The following RB1 variants were observed in gnomAD, a reference collection of about 807,000 sequenced individuals.
The protein encoded by RB1 is RB transcriptional corepressor 1.
In RB1, 18 loss-of-function variants were observed where a neutral mutation model predicts 135.4. The observed-to-expected ratio is 0.13, with a 90% confidence interval of 0.09 to 0.20. The LOEUF (loss-of-function observed/expected upper bound fraction) is 0.20. Ranked by LOEUF, RB1 falls within the 10% of genes least tolerant of loss-of-function variation. RB1 has a pLI of 1.00. For missense variants in RB1, 868 were observed against 1,110.0 expected (o/e 0.78, Z 3.10); for synonymous variants, 365 against 373.2 (o/e 0.98, Z 0.25).
chr13:48,430,387 A>G (rs944739487), intron 17 of RB1, among the ~76,000 whole-genome samples: 4 of 152,186 alleles, frequency 2.6e-5, no homozygotes, highest in Non-Finnish European at 4.4e-5. Flanking sequence ...TCAATAAAAA[A>G]TGACTCCATT....
chr13:48,401,755 T>C (rs1412587106), intron 17 of RB1, among the ~76,000 whole-genome samples: 2 of 152,332 alleles, frequency 1.3e-5, no homozygotes, highest in Admixed American at 6.5e-5. Flanking sequence ...AAACGTAGAA[T>C]AGGAAACAGC....
intron 17 of RB1, among the ~76,000 whole-genome samples, chr13:48,396,067 C>G (rs1310592401): frequency 6.6e-6 from 1 of 152,198 alleles, no homozygotes; most frequent in Non-Finnish European, 1.5e-5. Flanking sequence ...AATGGCCATA[C>G]TGCCCACAGT....
chr13:48,357,907 T>A (rs1952607031), intron 6 of RB1, among the ~76,000 whole-genome samples: 1 of 152,106 alleles, frequency 6.6e-6, no homozygotes, highest in South Asian at 2.1e-4. Flanking sequence ...GATGTATATG[T>A]TCCCTGCTCA....
At chr13:48,340,838 G>T (rs1233442542) in intron 2 of RB1, 1 of 155,002 alleles carries the variant, frequency 6.5e-6, no homozygotes, top group South Asian at 2.1e-4. Context: ...TTTTTAATTA[G>T]TCTTGAAAAC....
At chr13:48,435,327 T>C (rs1219758598) in intron 17 of RB1, among the ~76,000 whole-genome samples, 1 of 152,204 alleles carries the variant, frequency 6.6e-6, no homozygotes, top group East Asian at 1.9e-4. Flanking sequence ...CTAATGATAT[T>C]GATTAACCTT....
intron 2 of RB1, among the ~76,000 whole-genome samples, chr13:48,332,373 A>G (rs1952345461): frequency 6.6e-6 from 1 of 152,204 alleles, no homozygotes; most frequent in African/African-American, 2.4e-5. Flanking sequence ...TTAGAGACCA[A>G]CTTGGGCAAC....
chr13:48,344,868 A>G lies in RB1; in HGVS notation c.381-212A>G, dbSNP rs1952478090. Among the ~76,000 whole-genome samples the G allele has an allele frequency of 2.0e-5, 3 of 152,206 alleles. No homozygotes were observed. In the South Asian group the frequency reaches 6.2e-4, roughly 31 times the overall value. Reference sequence around the variant, plus strand: ...GACCCTTCGTTTTCTTATATTCTCAATGATGAATAGATATAAGCATAGGTA... The same window carrying G: ...GACCCTTCGTTTTCTTATATTCTCAGTGATGAATAGATATAAGCATAGGTA... On this transcript the variant is annotated intron_variant, in intron 3 of 26. Transcript: ENST00000267163.
rs150406908 is a variant in RB1, at chr13:48,405,237, G to C, written c.1695+23794G>C. 4.6e-3 allele frequency among the ~76,000 whole-genome samples: 701 copies of C among 152,204 alleles called. 5 individuals are homozygous for C. Among genetic ancestry groups the C allele is most frequent in the African/African-American group, 0.016 (667 of 41,540 alleles). On this transcript the variant is annotated intron_variant, in intron 17 of 26. Coordinates refer to ENST00000267163, the MANE Select transcript of RB1 (RefSeq NM_000321.3). ...AAAGAATGCCTTCAACAACAAAATG[G>C]TTTCTTTTAACAATTGTATAACCTC... is the stretch of plus-strand genomic sequence containing the variant.
At chr13:48,443,347 CTATT>C (rs1210363232) in intron 17 of RB1, among the ~76,000 whole-genome samples, 1 of 151,784 alleles carries the variant, frequency 6.6e-6, no homozygotes, top group Non-Finnish European at 1.5e-5. Flanking sequence ...GGAAGCTTCT[CTATT>C]CATTTGCTTT....
At chr13:48,317,056 T>C in intron 2 of RB1, 1 of 716,408 alleles carries the variant, frequency 1.4e-6, no homozygotes. Flanking sequence ...CTCCGCCCTG[T>C]CTGTGCCTTG....
intron 4 of RB1, among the ~76,000 whole-genome samples, chr13:48,347,022 A>AT (rs1392558445): frequency 6.6e-6 from 1 of 151,058 alleles, no homozygotes; most frequent in African/African-American, 2.4e-5. Flanking sequence ...TACAGTTCTG[A>AT]TTTTTTTTCC....
intron 17 of RB1, among the ~76,000 whole-genome samples, chr13:48,390,854 TAAAG>T (rs1241251090): frequency 2.0e-5 from 3 of 152,318 alleles, no homozygotes; most frequent in East Asian, 3.9e-4. Flanking sequence ...TCTTTATTCT[TAAAG>T]AAGTGATTTT....
chr13:48,460,488 C>T (rs174854), intron 20 of RB1, among the ~76,000 whole-genome samples: 138,494 of 152,218 alleles, frequency 0.91, 63,966 homozygotes, highest in East Asian at 1. Flanking sequence ...CTTCTTATCA[C>T]TGGCTTTTTC....
At chr13:48,451,927 GTTGT>G (rs1280503830) in intron 17 of RB1, among the ~76,000 whole-genome samples, 3 of 151,918 alleles carry the variant, frequency 2.0e-5, no homozygotes, top group Non-Finnish European at 4.4e-5. Flanking sequence ...TTTTCTGATG[GTTGT>G]TTGTATTTCT....
rs149134290 is a variant in RB1, at chr13:48,364,722, A to G, written c.862-172A>G. Reference sequence around the variant, plus strand: ...ATAGCCACTACACTTCAGCCTAGGCAATATAGAGAGACCCCTTCTCTAAGA... The same window carrying G: ...ATAGCCACTACACTTCAGCCTAGGCGATATAGAGAGACCCCTTCTCTAAGA... On this transcript the variant is annotated intron_variant, in intron 8 of 26. Coordinates refer to ENST00000267163, the MANE Select transcript of RB1 (RefSeq NM_000321.3). Among the ~76,000 whole-genome samples the G allele has an allele frequency of 5.3e-3, 811 of 152,302 alleles. 2 individuals carry two copies. The highest frequency in any genetic ancestry group is 0.019 in the East Asian group (100 of 5,186).
intron 8 of RB1, among the ~76,000 whole-genome samples, chr13:48,364,266 A>T (rs528546532): frequency 6.6e-6 from 1 of 152,184 alleles, no homozygotes; most frequent in Non-Finnish European, 1.5e-5. Flanking sequence ...ATTAAGAAAA[A>T]GGCATGTCTT....
intron 17 of RB1, among the ~76,000 whole-genome samples, chr13:48,438,645 C>T (rs1290007358): frequency 6.6e-6 from 1 of 152,050 alleles, no homozygotes; most frequent in Non-Finnish European, 1.5e-5. Context: ...GTCCTGGATC[C>T]ACCACTTATT....
chr13:48,319,688 G>A lies in RB1; in HGVS notation c.264+12282G>A, dbSNP rs533409762. The A allele has an allele frequency of 1.3e-4, 33 of 254,132 alleles. No homozygotes were observed. The highest frequency in any genetic ancestry group is 7.1e-4 in the African/African-American group (31 of 43,626). 15.7% of individuals were successfully genotyped at this position (254,132 alleles called of 1,614,324 possible). A position where few individuals can be genotyped will look rare whatever the true frequency, so the allele number is the denominator to read the frequency against. ...GCGCCACCTTTGCGGCTAGCTCTTC[G>A]TGGGATTTCAAGAGTGACTTGGTCG... On this transcript the variant is annotated intron_variant, in intron 2 of 26. Coordinates refer to ENST00000267163, the MANE Select transcript of RB1 (RefSeq NM_000321.3). This position sits in a 1 kb window ranked among gnomAD's most constrained non-coding sequence, Gnocchi z 5.0.
At chr13:48,390,592 A>G (rs536713079) in intron 17 of RB1, among the ~76,000 whole-genome samples, 1 of 152,346 alleles carries the variant, frequency 6.6e-6, no homozygotes, top group South Asian at 2.1e-4. Context: ...CACTTAAAAA[A>G]AAACTAATCT....
Sources: allele counts gnomAD v4.1 joint callset (sites outside exome capture counted in the v4.1 genomes callset), GRCh38; gene constraint gnomAD v4.1.1; non-coding constraint Gnocchi (gnomAD v3.1); transcripts MANE v1.5; gene names NCBI Gene and HGNC (gene_info 2026-07-23, HGNC 2026-07-21).